The following PLEKHA6 variants were observed in gnomAD, a reference collection of about 807,000 sequenced individuals.
PLEKHA6 encodes pleckstrin homology domain containing A6, also known as pleckstrin homology domain-containing family A member 6.
A neutral mutation model predicts 116.7 loss-of-function variants in PLEKHA6; 60 were observed. The observed-to-expected ratio is 0.51, with a 90% confidence interval of 0.42 to 0.64. The LOEUF is 0.64. Ranked by LOEUF, PLEKHA6 falls within the 30% of genes least tolerant of loss-of-function variation. The pLI, the probability that PLEKHA6 is intolerant of heterozygous loss-of-function variation, is 0.00. For missense variants in PLEKHA6, 1,338 were observed against 1,422.7 expected (o/e 0.94, Z 0.96); for synonymous variants, 489 against 556.1 (o/e 0.88, Z 1.70).
In PLEKHA6 at chr1:204,250,619, A is replaced by C. The variant is rs747325972; in HGVS notation, c.1525-5T>G. ...CACTTCTGGGTATGGAGGGACCTGC[A>C]GGAACATGAGGCCGGTTACTGCAGC... On this transcript the variant is annotated splice_region_variant and splice_polypyrimidine_tract_variant and intron_variant, in intron 9 of 22. Coordinates refer to ENST00000272203, the MANE Select transcript of PLEKHA6 (RefSeq NM_014935.5). 4.4e-6 allele frequency: 7 copies of C among 1,608,036 alleles called. No homozygotes were observed. The South Asian group carries it at 6.6e-5, about 15-fold the overall frequency.
chr1:204,328,050 A>C (rs200853813), intron 1 of PLEKHA6, among the ~76,000 whole-genome samples: 1 of 3,116 alleles, frequency 3.2e-4, no homozygotes, highest in Admixed American at 2.5e-3. Flanking sequence ...TATTTATTTT[A>C]TTTATTTATT....
intron 3 of PLEKHA6, among the ~76,000 whole-genome samples, chr1:204,268,525 G>T (rs1244585006): frequency 2.0e-5 from 3 of 151,452 alleles, no homozygotes; most frequent in Admixed American, 6.6e-5. Flanking sequence ...CTAAAATAGG[G>T]CTCAAAATAA....
chr1:204,257,209 G>A lies in PLEKHA6; in HGVS notation c.1524+144C>T. On this transcript the variant is annotated intron_variant, in intron 9 of 22. Coordinates refer to ENST00000272203, the MANE Select transcript of PLEKHA6 (RefSeq NM_014935.5). The surrounding 1 kb of genome is among the most constrained non-coding windows in gnomAD (Gnocchi z 6.5). ...AGAACCACAGGCCAGGGGCTCCGCT[G>A]GGCAGCACTGCTGGTCCTGCAGACA... is the stretch of plus-strand genomic sequence containing the variant. The A allele has an allele frequency of 1.3e-6, 1 of 774,230 alleles. No individual in the cohort carries two copies. Among genetic ancestry groups the A allele is most frequent in the Non-Finnish European group, 2.1e-6 (1 of 471,952 alleles). The allele number at this position is 774,230 out of a possible 1,614,324, so 48.0% of individuals were successfully genotyped here. A position where few individuals can be genotyped will look rare whatever the true frequency, so the allele number is the denominator to read the frequency against.
chr1:204,316,063 G>A (rs1671846062), intron 1 of PLEKHA6, among the ~76,000 whole-genome samples: 1 of 152,206 alleles, frequency 6.6e-6, no homozygotes, highest in South Asian at 2.1e-4. Context: ...TTGGGGGCCA[G>A]ACTGTGGAGT....
At chr1:204,278,918 TG>T (rs1668304137) in intron 1 of PLEKHA6, among the ~76,000 whole-genome samples, 1 of 152,238 alleles carries the variant, frequency 6.6e-6, no homozygotes, top group African/African-American at 2.4e-5. Context: ...ATTTGGAGTT[TG>T]ACATTCTATC....
chr1:204,316,423 C>A (rs1368382726), intron 1 of PLEKHA6, among the ~76,000 whole-genome samples: 1 of 152,146 alleles, frequency 6.6e-6, no homozygotes, highest in African/African-American at 2.4e-5. Context: ...AATAGGGACA[C>A]GGGAGAAATG....
chr1:204,325,789 A>G (rs1180965076), intron 1 of PLEKHA6: 1 of 433,264 alleles, frequency 2.3e-6, no homozygotes, highest in African/African-American at 2.2e-5. Flanking sequence ...TTGGCGCAAG[A>G]CTCTACTCTG....
In PLEKHA6 at chr1:204,228,222, C is replaced by G. The variant is rs371291881; in HGVS notation, c.2892G>C (p.Gln964His). ...IKTLIAKSSM[Q>H]NVVPIGEGDS... The stretch of plus-strand genomic sequence containing the variant: ...CCCCCTCGCCGATGGGCACCACGTT[C>G]TGCATACTGAAGAGGCACAGACACA... Residue 964 changes from glutamine to histidine, a missense_variant, in exon 21 of 23, where the codon CAG becomes CAC. Transcript: ENST00000272203. This position sits in a 1 kb window ranked among gnomAD's most constrained non-coding sequence, Gnocchi z 4.0. 6.2e-7 allele frequency: 1 copy of G among 1,603,074 alleles called. No individual in the cohort carries two copies. Among genetic ancestry groups the G allele is most frequent in the African/African-American group, 1.3e-5 (1 of 74,718 alleles).
intron 12 of PLEKHA6, among the ~76,000 whole-genome samples, 191 bp downstream of exon 12, chr1:204,248,630 T>C (rs1664110467): frequency 6.6e-6 from 1 of 152,236 alleles, no homozygotes; most frequent in Admixed American, 6.5e-5. Context: ...GAGACTGGAA[T>C]GAGCAGACTG....
chr1:204,295,997 C>A (rs866262896), intron 1 of PLEKHA6, among the ~76,000 whole-genome samples: 1 of 152,108 alleles, frequency 6.6e-6, no homozygotes, highest in South Asian at 2.1e-4. Flanking sequence ...ACGGGGTGCA[C>A]GCACACAGAG....
intron 1 of PLEKHA6, among the ~76,000 whole-genome samples, chr1:204,346,457 T>A (rs1360998312): frequency 6.6e-6 from 1 of 152,082 alleles, no homozygotes; most frequent in African/African-American, 2.4e-5. Context: ...AAATGAGCCA[T>A]GACCACAGGG....
intron 21 of PLEKHA6, among the ~76,000 whole-genome samples, chr1:204,225,392 C>T (rs1396137096): frequency 6.6e-6 from 1 of 152,188 alleles, no homozygotes; most frequent in Non-Finnish European, 1.5e-5. Context: ...TTTGCATATG[C>T]TGCAGATGTG....
intron 9 of PLEKHA6, among the ~76,000 whole-genome samples, chr1:204,252,636 A>AT (rs1490104282): frequency 3.3e-5 from 5 of 151,950 alleles, no homozygotes; most frequent in Admixed American, 6.6e-5. Flanking sequence ...GTCCCCTGTG[A>AT]TTTTTCCGTC....
At position 204,261,376 on chromosome 1, in the gene PLEKHA6, C is replaced by T; in HGVS notation, c.454G>A (p.Ala152Thr). 6.2e-7 allele frequency: 1 copy of T among 1,614,144 alleles called. No homozygotes were observed. The highest frequency in any genetic ancestry group is 1.1e-5 in the South Asian group (1 of 91,074). ...SPEEQEAWIQ[A>T]MGEAARVQIP... ...TGTACTCGAGCAGCCTCCCCCATGG[C>T]CTGGATCCAGGCCTCTTGCTCCTCG... Residue 152 changes from alanine to threonine, a missense_variant, in exon 7 of 23, where the codon GCC (alanine) becomes ACC (threonine). This residue lies in a region of PLEKHA6 where 140 missense variants were observed against 197.4 expected (regional missense o/e 0.71). Coordinates refer to ENST00000272203, the MANE Select transcript of PLEKHA6 (RefSeq NM_014935.5). The surrounding 1 kb of genome is among the most constrained non-coding windows in gnomAD (Gnocchi z 4.0).
chr1:204,267,746 G>C (rs542811670), intron 4 of PLEKHA6, among the ~76,000 whole-genome samples, 199 bp from the exon 5 acceptor site: 4 of 152,288 alleles, frequency 2.6e-5, no homozygotes, highest in African/African-American at 9.6e-5. Context: ...TGACCTTCCA[G>C]TTCTGTCATT....
In PLEKHA6 at chr1:204,257,932, C is replaced by T. The variant is rs1665580947; in HGVS notation, c.1008-63G>A. 3.6e-5 allele frequency: 54 copies of T among 1,480,542 alleles called. No individual in the cohort carries two copies. The South Asian group carries it at 7.0e-4, about 19-fold the overall frequency. 91.7% of individuals were successfully genotyped at this position (1,480,542 alleles called of 1,614,324 possible). A position where few individuals can be genotyped will look rare whatever the true frequency, so the allele number is the denominator to read the frequency against. On this transcript the variant is annotated intron_variant, in intron 8 of 22. Coordinates refer to ENST00000272203, the MANE Select transcript of PLEKHA6 (RefSeq NM_014935.5). This position sits in a 1 kb window ranked among gnomAD's most constrained non-coding sequence, Gnocchi z 6.5. ...ACGGGCACCCCTCCACCCACCCCAG[C>T]CCCACCTCCAGGTCCCCCAGCCTAG...
chr1:204,324,561 C>G (rs1292368898), intron 1 of PLEKHA6, among the ~76,000 whole-genome samples: 1 of 152,160 alleles, frequency 6.6e-6, no homozygotes, highest in Non-Finnish European at 1.5e-5. Context: ...AACTTAGAAA[C>G]AGTTTTCTCT....
In PLEKHA6 at chr1:204,228,025, C is replaced by T. The variant is rs1278598468; in HGVS notation, c.3031+58G>A. On this transcript the variant is annotated intron_variant, in intron 21 of 22. Transcript: ENST00000272203. The surrounding 1 kb of genome is among the most constrained non-coding windows in gnomAD (Gnocchi z 4.0). The stretch of plus-strand genomic sequence containing the variant: ...CTTGTAGCAGTGCCACGCTTCCTCC[C>T]TTAAACCTGGTCAGCTGGTTTCCCT... 2 of 1,579,532 alleles carry T rather than the reference C, an allele frequency of 1.3e-6. No individual in the cohort carries two copies. Among genetic ancestry groups the T allele is most frequent in the East Asian group, 2.3e-5 (1 of 44,216 alleles).
At position 204,229,022 on chromosome 1, in the gene PLEKHA6, G is replaced by T. The variant is rs772343656; in HGVS notation, c.2666C>A (p.Ala889Asp). 1 of 1,614,160 alleles carries T rather than the reference G, an allele frequency of 6.2e-7. No homozygotes were observed. Among genetic ancestry groups the T allele is most frequent in the Admixed American group, 1.7e-5 (1 of 60,028 alleles). The change falls in exon 19 of 23, where the codon GCC becomes GAC. Residue 889 changes from alanine to aspartate, a missense_variant. By Grantham distance (126) the Ala-to-Asp change is moderately radical (BLOSUM62 -2). This residue lies in a region of PLEKHA6 where 1,136 missense variants were observed against 1,163.6 expected (regional missense o/e 0.98). Transcript: ENST00000272203. The stretch of plus-strand genomic sequence containing the variant: ...AATTTCCTCCCGGGGTGTCTCGTAG[G>T]CATGCCCGCCAGGCTCCTCTGCCCG... ...ALRAEEPGGHAYETPREEIAR... is the reference protein window; with the variant it reads ...ALRAEEPGGHDYETPREEIAR...
Sources: allele counts gnomAD v4.1 joint callset (sites outside exome capture counted in the v4.1 genomes callset), GRCh38; gene constraint gnomAD v4.1.1; regional missense constraint gnomAD v4.1.1; non-coding constraint Gnocchi (gnomAD v3.1); transcripts MANE v1.5; gene names NCBI Gene and HGNC (gene_info 2026-07-23, HGNC 2026-07-21).